STX17: variants seen among roughly 807,000 people sequenced by gnomAD.
The protein encoded by STX17 is syntaxin 17.
In STX17, 29 loss-of-function variants were observed where a neutral mutation model predicts 35.9. The ratio of observed to expected loss-of-function variants is 0.81; its 90% CI spans 0.60 to 1.10. The LOEUF (loss-of-function observed/expected upper bound fraction) is 1.10. Ranked by LOEUF, STX17 falls within the 50% of genes least tolerant of loss-of-function variation. STX17 has a pLI of 0.00. For synonymous variants in STX17, 92 were observed against 118.3 expected, an observed-to-expected ratio of 0.78 and a Z score of 1.44; for missense variants, 312 against 352.3, an observed-to-expected ratio of 0.89 and a Z score of 0.92.
At chr9:99,912,993 A>G (rs1203965833) in intron 1 of STX17, among the ~76,000 whole-genome samples, 1 of 152,162 alleles carries the variant, frequency 6.6e-6, no homozygotes, top group Non-Finnish European at 1.5e-5. Flanking sequence ...TTCATTTTAA[A>G]TGATAATTTA....
At chr9:99,937,390 T>G (rs1829258312) in intron 3 of STX17, among the ~76,000 whole-genome samples, 1 of 152,188 alleles carries the variant, frequency 6.6e-6, no homozygotes, top group Admixed American at 6.5e-5. Flanking sequence ...ACACATATGT[T>G]AGGTTGCTTA....
intron 1 of STX17, among the ~76,000 whole-genome samples, chr9:99,910,402 A>G (rs1828636551): frequency 6.6e-6 from 1 of 152,204 alleles, no homozygotes; most frequent in Non-Finnish European, 1.5e-5. Flanking sequence ...GGATAAATGG[A>G]CATTGTGTTA....
Position 99,968,658 on chromosome 9 carries a change from C to T in STX17, c.894C>T (p.Asp298=). The T allele has an allele frequency of 1.2e-6, 2 of 1,613,452 alleles. No individual in the cohort carries two copies. Among genetic ancestry groups the T allele is most frequent in the Non-Finnish European group, 1.7e-6 (2 of 1,179,694 alleles). The change falls in exon 8 of 8, where the codon GAC becomes GAT. Residue 298 remains aspartate, a synonymous_variant. Transcript: ENST00000259400. The part of the protein sequence containing the change: ...SSCPDLPSQT[D]KKCS ...GTCCAGATCTTCCCAGCCAAACTGACAAGAAATGCAGTTAAAAACCAAATT... is the reference window on the plus strand; with the variant it reads ...GTCCAGATCTTCCCAGCCAAACTGATAAGAAATGCAGTTAAAAACCAAATT...
intron 3 of STX17, 68 bp from the exon 4 acceptor site, chr9:99,950,992 A>G: frequency 1.5e-6 from 2 of 1,343,070 alleles, no homozygotes; most frequent in South Asian, 1.4e-5. Flanking sequence ...CTATTATAAC[A>G]TTACTTCTGA....
At position 99,974,370 on chromosome 9, in the gene STX17, T is replaced by C. The variant is rs1179619673; in HGVS notation, c.*5697T>C. Among the ~76,000 whole-genome samples, 1 of 152,206 alleles carries C rather than the reference T, an allele frequency of 6.6e-6. No homozygotes were observed. The highest frequency in any genetic ancestry group is 1.5e-5 in the Non-Finnish European group (1 of 68,036). The stretch of plus-strand genomic sequence containing the variant: ...TAAACCCCCTAAAGATGTTTTCCAT[T>C]TTATTGTTAAACACTTGGTGTTAGC... On this transcript the variant is annotated 3_prime_UTR_variant, in exon 8 of 8. Transcript: ENST00000259400.
At chr9:99,935,820 G>C (rs1012646446) in intron 3 of STX17, among the ~76,000 whole-genome samples, 1 of 152,178 alleles carries the variant, frequency 6.6e-6, no homozygotes, top group African/African-American at 2.4e-5. Context: ...ATGGGGAATA[G>C]AATTTTCCAG....
At chr9:99,914,238 A>T (rs1828720705) in intron 1 of STX17, 1 of 152,206 alleles carries the variant, frequency 6.6e-6, no homozygotes, top group African/African-American at 2.4e-5. Flanking sequence ...TTTTTTAAAC[A>T]TGGGTGAGGT....
At chr9:99,934,686 T>G (rs1331321199) in intron 3 of STX17, among the ~76,000 whole-genome samples, 1 of 152,226 alleles carries the variant, frequency 6.6e-6, no homozygotes, top group Non-Finnish European at 1.5e-5. Context: ...TGTAAAGAAA[T>G]CAGATTAATT....
In STX17 at chr9:99,972,979, C is replaced by T. The variant is rs953206003; in HGVS notation, c.*4306C>T. 6.6e-6 allele frequency among the ~76,000 whole-genome samples: 1 copy of T among 152,098 alleles called. No individual in the cohort carries two copies. The highest frequency in any genetic ancestry group is 6.5e-5 in the Admixed American group (1 of 15,272). ...CCTAATAAAAGGCAGGGGAGTTTCT[C>T]TTCTAGCCTAAATTAATATTAAAAG... On this transcript the variant is annotated 3_prime_UTR_variant, in exon 8 of 8. Coordinates refer to ENST00000259400, the MANE Select transcript of STX17 (RefSeq NM_017919.3).
chr9:99,961,797 TC>T (rs1829830629), intron 6 of STX17, among the ~76,000 whole-genome samples: 1 of 152,116 alleles, frequency 6.6e-6, no homozygotes, highest in African/African-American at 2.4e-5. Context: ...ACTAATCTAA[TC>T]CCTCTACTCT....
chr9:99,963,825 A>G (rs1032610847), intron 6 of STX17, among the ~76,000 whole-genome samples: 2 of 152,094 alleles, frequency 1.3e-5, no homozygotes, highest in African/African-American at 2.4e-5. Context: ...CCTATATATC[A>G]TAGTATTTAT....
Position 99,942,205 on chromosome 9 carries a change from C to T in STX17, c.190-8855C>T, listed in dbSNP as rs1430752007. ...TAATTGTGGTTTTAATTTACATTTA[C>T]CTGATTATTCATGAGATTAATTTTT... On this transcript the variant is annotated intron_variant, in intron 3 of 7. Transcript: ENST00000259400. Among the ~76,000 whole-genome samples the T allele has an allele frequency of 2.0e-5, 3 of 152,276 alleles. No homozygotes were observed. The East Asian group carries it at 5.8e-4, about 29-fold the overall frequency.
At chr9:99,950,979 C>A in intron 3 of STX17, 81 bp from the exon 4 acceptor site, 1 of 1,224,254 alleles carries the variant, frequency 8.2e-7, no homozygotes, top group Non-Finnish European at 1.1e-6. Context: ...TTTCCATCCA[C>A]AACTATTATA....
intron 4 of STX17, among the ~76,000 whole-genome samples, chr9:99,958,673 T>G (rs1486292724): frequency 1.3e-5 from 2 of 152,194 alleles, no homozygotes; most frequent in Non-Finnish European, 2.9e-5. Context: ...CTCCGAACTG[T>G]TTTTATGGTT....
chr9:99,926,310 T>A (rs944989002), intron 2 of STX17, among the ~76,000 whole-genome samples: 1 of 152,186 alleles, frequency 6.6e-6, no homozygotes, highest in African/African-American at 2.4e-5. Context: ...CTGGGTCTAT[T>A]TCTGTTGATT....
intron 4 of STX17, 149 bp downstream of exon 4, chr9:99,951,434 C>A: frequency 1.5e-6 from 1 of 686,786 alleles, no homozygotes. Flanking sequence ...ATCAGTGTTC[C>A]TGGAAATGTG....
chr9:99,945,427 GGA>G (rs958699268), intron 3 of STX17, among the ~76,000 whole-genome samples: 30 of 152,236 alleles, frequency 2.0e-4, no homozygotes, highest in African/African-American at 7.0e-4. Context: ...TCTTTGGAGA[GGA>G]GGTGTTAGGG....
chr9:99,940,963 T>C (rs144579413), intron 3 of STX17, among the ~76,000 whole-genome samples: 71 of 152,332 alleles, frequency 4.7e-4, no homozygotes, highest in African/African-American at 1.6e-3. Context: ...CATCATGGTT[T>C]CTCTCTCATG....
In STX17 at chr9:99,915,166, T is replaced by C. The variant is rs1828742191; in HGVS notation, c.-62-12T>C. The C allele has an allele frequency of 1.4e-6, 2 of 1,448,390 alleles. No individual in the cohort carries two copies. The highest frequency in any genetic ancestry group is 1.8e-6 in the Non-Finnish European group (2 of 1,092,432). The allele number at this position is 1,448,390 out of a possible 1,614,324, so 89.7% of individuals were successfully genotyped here. Reference sequence around the variant, plus strand: ...ATTTGAAAACATTCTTAAAGAAATATTTTTCTTTTAGGTTTTTCTATATGA... The same window carrying C: ...ATTTGAAAACATTCTTAAAGAAATACTTTTCTTTTAGGTTTTTCTATATGA... On this transcript the variant is annotated splice_polypyrimidine_tract_variant and intron_variant, in intron 1 of 7. Transcript: ENST00000259400.
Sources: allele counts gnomAD v4.1 joint callset (sites outside exome capture counted in the v4.1 genomes callset), GRCh38; gene constraint gnomAD v4.1.1; transcripts MANE v1.5; gene names NCBI Gene and HGNC (gene_info 2026-07-23, HGNC 2026-07-21).